Variants in SCFD2 observed in about 807,000 individuals in gnomAD.
SCFD2 encodes the protein sec1 family domain containing 2, also known as sec1 family domain-containing protein 2.
A neutral mutation model predicts 58.9 loss-of-function variants in SCFD2; 54 were observed. That is an observed-to-expected ratio of 0.92 (90% CI 0.74 to 1.15). SCFD2 has a LOEUF of 1.15. Ranked by LOEUF, SCFD2 falls within the 50% of genes most tolerant of loss-of-function variation. The pLI is 0.00. For missense variants in SCFD2, 805 were observed against 836.6 expected, an observed-to-expected ratio of 0.96 and a Z score of 0.47; for synonymous variants, 321 against 335.9, an observed-to-expected ratio of 0.96 and a Z score of 0.49.
intron 3 of SCFD2, among the ~76,000 whole-genome samples, chr4:53,301,231 G>A (rs1278727317): frequency 1.3e-5 from 2 of 151,626 alleles, no homozygotes; most frequent in African/African-American, 2.4e-5. Flanking sequence ...AAAGAGAGAA[G>A]AATCAAATAG....
intron 3 of SCFD2, among the ~76,000 whole-genome samples, chr4:53,293,327 G>A (rs1731907742): frequency 6.6e-6 from 1 of 151,742 alleles, no homozygotes; most frequent in Non-Finnish European, 1.5e-5. Context: ...GGGGGAGAAA[G>A]AACATCAAGA....
chr4:53,275,139 G>A (rs907519155), intron 3 of SCFD2, among the ~76,000 whole-genome samples: 33 of 152,192 alleles, frequency 2.2e-4, no homozygotes, highest in Non-Finnish European at 4.3e-4. Flanking sequence ...GCATCTATTA[G>A]TCCTGCCTGA....
At chr4:52,899,610 A>T (rs1212045819) in intron 7 of SCFD2, among the ~76,000 whole-genome samples, 1 of 152,130 alleles carries the variant, frequency 6.6e-6, no homozygotes. Flanking sequence ...ACTTTGGTGA[A>T]TCTGACAATT....
intron 5 of SCFD2, among the ~76,000 whole-genome samples, chr4:52,964,807 G>C (rs558333460): frequency 1.3e-5 from 2 of 151,808 alleles, no homozygotes; most frequent in African/African-American, 4.8e-5. Flanking sequence ...TACTCCTAAG[G>C]GTGAGCCAGC....
chr4:53,084,572 A>C (rs955728860), intron 5 of SCFD2, among the ~76,000 whole-genome samples: 5 of 152,220 alleles, frequency 3.3e-5, no homozygotes, highest in African/African-American at 1.2e-4. Context: ...AAGAAATTAT[A>C]AAAGTATTAT....
intron 5 of SCFD2, among the ~76,000 whole-genome samples, chr4:53,105,376 C>A (rs746513604): frequency 6.6e-6 from 1 of 151,584 alleles, no homozygotes; most frequent in Non-Finnish European, 1.5e-5. Context: ...AGCCAGGGAG[C>A]CAAGTGGTCT....
chr4:52,946,584 TA>T (rs1253106843), intron 5 of SCFD2, among the ~76,000 whole-genome samples: 2 of 152,156 alleles, frequency 1.3e-5, no homozygotes, highest in African/African-American at 4.8e-5. Context: ...CAACTAAGAT[TA>T]GGGTCATAAA....
At chr4:53,011,256 T>C (rs116463636) in intron 5 of SCFD2, among the ~76,000 whole-genome samples, 1,617 of 152,244 alleles carry the variant, frequency 0.011, 28 homozygotes, top group African/African-American at 0.037. Flanking sequence ...TCTTTGCTTT[T>C]TTTTCCCCCC....
chr4:52,924,155 T>C (rs930775351), intron 5 of SCFD2, among the ~76,000 whole-genome samples: 60 of 152,330 alleles, frequency 3.9e-4, no homozygotes, highest in African/African-American at 1.3e-3. Context: ...ATTTTCCATA[T>C]GGTCTCTTGC....
At chr4:53,215,029 A>C (rs1035992690) in intron 4 of SCFD2, among the ~76,000 whole-genome samples, 1 of 152,130 alleles carries the variant, frequency 6.6e-6, no homozygotes, top group African/African-American at 2.4e-5. Flanking sequence ...TTTTGGTACC[A>C]GTACCACGCT....
intron 4 of SCFD2, among the ~76,000 whole-genome samples, chr4:53,262,972 G>T (rs1210783161): frequency 6.6e-6 from 1 of 152,000 alleles, no homozygotes; most frequent in Non-Finnish European, 1.5e-5. Context: ...CTTTGTCTAT[G>T]ATGGATTGGG....
intron 4 of SCFD2, among the ~76,000 whole-genome samples, chr4:53,258,577 TACACACAC>T (rs1553893403): frequency 1.7e-4 from 21 of 121,300 alleles, no homozygotes; most frequent in South Asian, 2.6e-4. Context: ...TATATATATA[TACACACAC>T]ATATATACAT....
At chr4:53,319,574 C>A (rs1198180405) in intron 2 of SCFD2, among the ~76,000 whole-genome samples, 1 of 151,472 alleles carries the variant, frequency 6.6e-6, no homozygotes, top group Non-Finnish European at 1.5e-5. Flanking sequence ...GCTCTGTCAC[C>A]CAGGCTCAAG....
At chr4:53,227,088 T>C (rs1358670554) in intron 4 of SCFD2, among the ~76,000 whole-genome samples, 1 of 152,198 alleles carries the variant, frequency 6.6e-6, no homozygotes, top group Non-Finnish European at 1.5e-5. Flanking sequence ...GATGGAAAGA[T>C]GGCCAGTATG....
At chr4:52,949,822 C>A (rs764458529) in intron 5 of SCFD2, 3 of 152,166 alleles carry the variant, frequency 2.0e-5, no homozygotes, top group Non-Finnish European at 2.9e-5. Flanking sequence ...CCTGTAACAC[C>A]AAATTGTGAG....
chr4:53,050,458 G>A (rs1723159323), intron 5 of SCFD2, among the ~76,000 whole-genome samples: 1 of 152,194 alleles, frequency 6.6e-6, no homozygotes, highest in Non-Finnish European at 1.5e-5. Context: ...AATTGGATTA[G>A]ATTATTCTAG....
At chr4:53,202,192 T>C (rs1400225707) in intron 4 of SCFD2, among the ~76,000 whole-genome samples, 1 of 152,150 alleles carries the variant, frequency 6.6e-6, no homozygotes, top group South Asian at 2.1e-4. Context: ...CATCTTGAAT[T>C]AATTTTTGTA....
intron 2 of SCFD2, among the ~76,000 whole-genome samples, chr4:53,329,461 G>A (rs1342951086): frequency 6.6e-6 from 1 of 151,218 alleles, no homozygotes. Flanking sequence ...AGCCTAACTG[G>A]GAGGCACCCC....
At position 53,365,761 on chromosome 4, in the gene SCFD2, G is replaced by C; in HGVS notation, c.181C>G (p.Pro61Ala). The change falls in exon 1 of 9, where the codon CCC becomes GCC. Residue 61 changes from proline (P) to alanine (A), a missense_variant. Pro to Ala is a conservative substitution (Grantham distance 27). Around this residue, in one of 3 missense-constraint regions of SCFD2, gnomAD observed 155 missense variants for 149.7 expected, o/e 1.04. Transcript: ENST00000401642. This position sits in a 1 kb window ranked among gnomAD's most constrained non-coding sequence, Gnocchi z 4.3. ...GPDCHLREFEPDAIGGGAKQP... is the reference protein window; with the variant it reads ...GPDCHLREFEADAIGGGAKQP... ...TTGGCTCCACCACCAATTGCGTCGG[G>C]CTCGAACTCTCGCAGGTGACAGTCA... 2 of 1,613,848 alleles carry C rather than the reference G, an allele frequency of 1.2e-6. No individual in the cohort carries two copies. The highest frequency in any genetic ancestry group is 1.7e-5 in the Admixed American group (1 of 60,018).
Sources: allele counts gnomAD v4.1 joint callset (sites outside exome capture counted in the v4.1 genomes callset), GRCh38; gene constraint gnomAD v4.1.1; regional missense constraint gnomAD v4.1.1; non-coding constraint Gnocchi (gnomAD v3.1); transcripts MANE v1.5; gene names NCBI Gene and HGNC (gene_info 2026-07-23, HGNC 2026-07-21).